The following MOBP variants were observed in gnomAD, a reference collection of about 807,000 sequenced individuals.
MOBP encodes the protein myelin-associated oligodendrocyte basic protein.
Under a neutral mutation model 15.0 loss-of-function variants are expected in MOBP, and 5 were observed. The ratio of observed to expected loss-of-function variants is 0.33; its 90% CI spans 0.17 to 0.70. The LOEUF is 0.70. Among genes scored for constraint, MOBP ranks in the 30% least tolerant of loss-of-function variants. The pLI is 0.67. For synonymous variants in MOBP, 88 were observed against 99.0 expected (o/e 0.89, Z 0.66); for missense variants, 188 against 257.8 (o/e 0.73, Z 1.85).
chr3:39,494,789 C>CG lies in MOBP; in HGVS notation c.-4-7277_-4-7276insG, dbSNP rs1553618292. Reference sequence around the variant, plus strand: ...TCATTTCATATTTTCAAAGCCCCCCCCCGCCCCCCGAGTTACGTGTTGTTA... The same window carrying CG: ...TCATTTCATATTTTCAAAGCCCCCCCGCCGCCCCCCGAGTTACGTGTTGTTA... On this transcript the variant is annotated intron_variant, in intron 2 of 3. Coordinates refer to ENST00000684792, the MANE Select transcript of MOBP (RefSeq NM_001393704.1). 1.3e-4 allele frequency among the ~76,000 whole-genome samples: 12 copies of CG among 90,250 alleles called. No homozygotes were observed. In the South Asian group the frequency reaches 5.4e-3, roughly 40 times the overall value. 59.2% of individuals were successfully genotyped at this position (90,250 alleles called of 152,430 possible).
chr3:39,486,605 T>G (rs2125637691), intron 2 of MOBP, among the ~76,000 whole-genome samples: 1 of 152,322 alleles, frequency 6.6e-6, no homozygotes, highest in Non-Finnish European at 1.5e-5. Context: ...GTCTACGGAC[T>G]CTCTTAAGTT....
At chr3:39,503,648 C>T (rs1279315182), downstream of MOBP, among the ~76,000 whole-genome samples, 3 of 29,220 alleles carry the variant, frequency 1.0e-4, no homozygotes, top group Admixed American at 4.5e-4. Context: ...ACACACATGC[C>T]TGGCCAATTT....
chr3:39,491,603 A>C (rs1320890504), intron 2 of MOBP, among the ~76,000 whole-genome samples: 1 of 152,194 alleles, frequency 6.6e-6, no homozygotes, highest in African/African-American at 2.4e-5. Context: ...ATACCAGACA[A>C]CTCAGACCAT....
At position 39,503,006 on chromosome 3, in the gene MOBP, A is replaced by G; in HGVS notation, c.*126A>G. 1.7e-6 allele frequency: 1 copy of G among 572,516 alleles called. No homozygotes were observed. Among genetic ancestry groups the G allele is most frequent in the Non-Finnish European group, 3.0e-6 (1 of 327,870 alleles). The allele number at this position is 572,516 out of a possible 1,614,324, so 35.5% of individuals were successfully genotyped here. On this transcript the variant is annotated 3_prime_UTR_variant, in exon 4 of 4. Coordinates refer to ENST00000684792, the MANE Select transcript of MOBP (RefSeq NM_001393704.1). ...CCAACCTGTGTAATCAGCTCCCTCC[A>G]TTAAATCCCCTCTGTTTGAAATACC...
chr3:39,522,850 G>A (rs2043286656), intron 3 of MOBP, among the ~76,000 whole-genome samples: 1 of 152,192 alleles, frequency 6.6e-6, no homozygotes, highest in Non-Finnish European at 1.5e-5. Context: ...AATTTCATCT[G>A]TGATTTAGGC....
chr3:39,506,671 C>T (rs182100789), downstream of MOBP, among the ~76,000 whole-genome samples: 17 of 152,144 alleles, frequency 1.1e-4, no homozygotes, highest in Non-Finnish European at 1.5e-4. Context: ...TTCTTTGACA[C>T]GTCTAGCTTG....
At chr3:39,471,018 C>T (rs1205008944) in intron 1 of MOBP, among the ~76,000 whole-genome samples, 1 of 152,096 alleles carries the variant, frequency 6.6e-6, no homozygotes, top group Non-Finnish European at 1.5e-5. Context: ...TTGTTCAGGG[C>T]GTGGCTAGCT....
intron 2 of MOBP, among the ~76,000 whole-genome samples, 161 bp downstream of exon 2, chr3:39,480,284 C>T (rs1486694772): frequency 6.6e-6 from 1 of 152,142 alleles, no homozygotes; most frequent in Non-Finnish European, 1.5e-5. Context: ...CCACATGGCT[C>T]ACCCTATTCT....
Position 39,502,298 on chromosome 3 carries a change from G to A in MOBP, c.206+23G>A, listed in dbSNP as rs773931098. 6 of 1,613,238 alleles carry A rather than the reference G, an allele frequency of 3.7e-6. No individual in the cohort carries two copies. Among genetic ancestry groups the A allele is most frequent in the African/African-American group, 1.3e-5 (1 of 75,022 alleles). On this transcript the variant is annotated intron_variant, in intron 3 of 3. Coordinates refer to ENST00000684792, the MANE Select transcript of MOBP (RefSeq NM_001393704.1). This position sits in a 1 kb window ranked among gnomAD's most constrained non-coding sequence, Gnocchi z 6.3. ...CAGGTAAGCGGCCGCCCAGCCCCGCGGCACCAGTTGGGCACAGCGCGTGGT... is the reference window on the plus strand; with the variant it reads ...CAGGTAAGCGGCCGCCCAGCCCCGCAGCACCAGTTGGGCACAGCGCGTGGT...
chr3:39,475,772 A>T (rs935638322), intron 1 of MOBP, among the ~76,000 whole-genome samples: 4 of 152,140 alleles, frequency 2.6e-5, no homozygotes, highest in Non-Finnish European at 5.9e-5. Flanking sequence ...ATTTTCTGAC[A>T]TCACAATTTT....
downstream of MOBP, chr3:39,528,461 G>A (rs904104107): frequency 5.9e-5 from 9 of 152,156 alleles, no homozygotes; most frequent in Non-Finnish European, 1.3e-4. Flanking sequence ...TTAGGGCATC[G>A]GAGAGTCACA....
intron 4 of MOBP, among the ~76,000 whole-genome samples, chr3:39,510,421 C>T (rs2043104264): frequency 6.6e-6 from 1 of 152,048 alleles, no homozygotes; most frequent in South Asian, 2.1e-4. Flanking sequence ...TTGGGGAAAA[C>T]TATAACAATA....
At chr3:39,477,647 C>T (rs568045148) in intron 1 of MOBP, among the ~76,000 whole-genome samples, 1 of 151,350 alleles carries the variant, frequency 6.6e-6, no homozygotes, top group East Asian at 2.0e-4. Context: ...CAGCCTCAGG[C>T]AGGTTCTTCC....
exon 5 of MOBP, chr3:39,514,032 A>G (rs1156727264): frequency 6.6e-6 from 1 of 152,334 alleles, no homozygotes; most frequent in Admixed American, 6.5e-5. Context: ...ATGCAAAGAA[A>G]TCCCTAGAGA....
chr3:39,488,883 A>G (rs1271021001), intron 2 of MOBP, among the ~76,000 whole-genome samples: 4 of 152,124 alleles, frequency 2.6e-5, no homozygotes, highest in Non-Finnish European at 5.9e-5. Context: ...TCTCCTGCTT[A>G]CTTCTAATCT....
At chr3:39,481,299 C>A (rs946307488) in intron 2 of MOBP, among the ~76,000 whole-genome samples, 4 of 152,154 alleles carry the variant, frequency 2.6e-5, no homozygotes, top group Non-Finnish European at 4.4e-5. Flanking sequence ...TCCTCTCAAG[C>A]CTCAAACTCT....
Position 39,502,851 on chromosome 3 carries a change from T to C in MOBP, c.523T>C (p.Ser175Pro). The C allele has an allele frequency of 6.8e-7, 1 of 1,460,970 alleles. No homozygotes were observed. The highest frequency in any genetic ancestry group is 9.2e-7 in the Non-Finnish European group (1 of 1,089,614). 90.5% of individuals were successfully genotyped at this position (1,460,970 alleles called of 1,614,324 possible). A position where few individuals can be genotyped will look rare whatever the true frequency, so the allele number is the denominator to read the frequency against. ...LRGPGASRGG[S>P]PVKASRFW ...AGGGCCAGGCGCCAGCCGTGGGGGGTCCCCCGTCAAAGCTTCTAGGTTCTG... is the reference window on the plus strand; with the variant it reads ...AGGGCCAGGCGCCAGCCGTGGGGGGCCCCCCGTCAAAGCTTCTAGGTTCTG... The change falls in exon 4 of 4, where the codon TCC (serine) becomes CCC (proline). Residue 175 changes from serine (S) to proline (P), a missense_variant. Ser to Pro is a moderately conservative substitution (Grantham distance 74). Coordinates refer to ENST00000684792, the MANE Select transcript of MOBP (RefSeq NM_001393704.1). This position sits in a 1 kb window ranked among gnomAD's most constrained non-coding sequence, Gnocchi z 6.3.
chr3:39,513,560 G>A, exon 5 of MOBP: 1 of 876,898 alleles, frequency 1.1e-6, no homozygotes, highest in Non-Finnish European at 1.8e-6. Context: ...AACTGCTGAT[G>A]CTCATGGTCC....
At chr3:39,486,067 AAAT>A (rs1375263654) in intron 2 of MOBP, among the ~76,000 whole-genome samples, 1 of 152,218 alleles carries the variant, frequency 6.6e-6, no homozygotes, top group Non-Finnish European at 1.5e-5. Flanking sequence ...AAGTTGTATA[AAAT>A]AATCTTTTTA....
Sources: gnomAD v4.1 joint callset for allele counts (sites outside exome capture counted in the v4.1 genomes callset) on GRCh38, gnomAD v4.1.1 for gene constraint, Gnocchi (gnomAD v3.1) non-coding constraint, MANE v1.5 for transcripts, NCBI Gene and HGNC (gene_info 2026-07-23, HGNC 2026-07-21) for gene names.